Variants in RUNX2 observed in about 807,000 individuals in gnomAD.
RUNX2 encodes the protein RUNX family transcription factor 2.
RUNX2 carries 10 observed loss-of-function variants against 51.7 expected under a neutral mutation model. The observed-to-expected ratio is 0.19, with a 90% CI of 0.12 to 0.33. The LOEUF is 0.33. Among genes scored for constraint, RUNX2 ranks in the 10% least tolerant of loss-of-function variants. RUNX2 has a pLI of 1.00. For synonymous variants in RUNX2, 276 were observed against 273.6 expected, an observed-to-expected ratio of 1.01 and a Z score of -0.09; for missense variants, 562 against 691.3, an observed-to-expected ratio of 0.81 and a Z score of 2.10.
At chr6:45,398,265 G>A (rs369997525) in intron 2 of RUNX2, among the ~76,000 whole-genome samples, 3 of 152,098 alleles carry the variant, frequency 2.0e-5, no homozygotes, top group African/African-American at 2.4e-5. Flanking sequence ...TAGATGAGAC[G>A]ATCCATGCAG....
chr6:45,356,924 T>A (rs914960385), intron 2 of RUNX2, among the ~76,000 whole-genome samples: 1 of 152,312 alleles, frequency 6.6e-6, no homozygotes, highest in Non-Finnish European at 1.5e-5. Flanking sequence ...ACGAGGCAAA[T>A]CAATATATAA....
In RUNX2 at chr6:45,512,485, C is replaced by T. The variant is rs1461632562; in HGVS notation, c.1021+78C>T. Reference sequence around the variant, plus strand: ...GTGGGATGGGCTGAGCCTGTCTCATCCATGCTCACAGTGACTCTCTATTAG... The same window carrying T: ...GTGGGATGGGCTGAGCCTGTCTCATTCATGCTCACAGTGACTCTCTATTAG... On this transcript the variant is annotated intron_variant, in intron 7 of 8. Transcript: ENST00000647337. The T allele has an allele frequency of 1.3e-5, 19 of 1,489,006 alleles. No homozygotes were observed. In the African/African-American group the frequency reaches 2.5e-4, roughly 19 times the overall value. The allele number at this position is 1,489,006 out of a possible 1,614,324, so 92.2% of individuals were successfully genotyped here.
chr6:45,359,325 C>A (rs1793820755), intron 2 of RUNX2, among the ~76,000 whole-genome samples: 1 of 152,092 alleles, frequency 6.6e-6, no homozygotes, highest in Admixed American at 6.6e-5. Flanking sequence ...TGCTTTTATA[C>A]ATAATATCAC....
At chr6:45,431,760 A>T (rs552820664) in intron 3 of RUNX2, 103 bp from the exon 4 acceptor site, 5 of 1,340,362 alleles carry the variant, frequency 3.7e-6, no homozygotes, top group African/African-American at 2.9e-5. Context: ...CTGGACTAGA[A>T]CACTAAGTCC....
intron 7 of RUNX2, among the ~76,000 whole-genome samples, chr6:45,544,479 G>A (rs370836609): frequency 3.9e-5 from 6 of 152,148 alleles, no homozygotes; most frequent in African/African-American, 1.4e-4. Flanking sequence ...GAAACCATAC[G>A]GAATTGTAAT....
At chr6:45,464,117 C>T (rs1184326197) in intron 5 of RUNX2, among the ~76,000 whole-genome samples, 4 of 151,854 alleles carry the variant, frequency 2.6e-5, no homozygotes, top group South Asian at 2.1e-4. Context: ...GGCGTGAACC[C>T]GGGAGGTGGA....
At chr6:45,488,361 T>A (rs1800347131) in intron 5 of RUNX2, among the ~76,000 whole-genome samples, 1 of 152,162 alleles carries the variant, frequency 6.6e-6, no homozygotes, top group Non-Finnish European at 1.5e-5. Context: ...AAATTCTGTT[T>A]TGAATATACT....
chr6:45,418,385 AT>A (rs1798109160), intron 2 of RUNX2, among the ~76,000 whole-genome samples: 1 of 152,154 alleles, frequency 6.6e-6, no homozygotes, highest in Non-Finnish European at 1.5e-5. Context: ...GGGTGGGATT[AT>A]GTTTGTATCT....
Position 45,366,805 on chromosome 6 carries a change from G to T in RUNX2, c.58+38021G>T, listed in dbSNP as rs1039780518. Among the ~76,000 whole-genome samples, 4 of 152,130 alleles carry T rather than the reference G, an allele frequency of 2.6e-5. No individual in the cohort carries two copies. In the East Asian group the frequency reaches 7.7e-4, roughly 29 times the overall value. On this transcript the variant is annotated intron_variant, in intron 2 of 8. Transcript: ENST00000647337. The stretch of plus-strand genomic sequence containing the variant: ...CACCCTACAATTTGTAAGAAGTCAA[G>T]TAAATTCTACTTTCTGTATGTTCTC...
chr6:45,473,820 A>G (rs186861433), intron 5 of RUNX2, among the ~76,000 whole-genome samples: 41 of 152,290 alleles, frequency 2.7e-4, no homozygotes, highest in Admixed American at 2.2e-3. Context: ...TTGAGTCAGG[A>G]GTTCTTGAAA....
At chr6:45,482,774 A>T (rs1369868913) in intron 5 of RUNX2, among the ~76,000 whole-genome samples, 1 of 152,164 alleles carries the variant, frequency 6.6e-6, no homozygotes, top group Admixed American at 6.5e-5. Flanking sequence ...TGAGTAGATT[A>T]TATTTTTCTT....
intron 5 of RUNX2, among the ~76,000 whole-genome samples, chr6:45,491,447 A>T (rs1194893490): frequency 6.6e-6 from 1 of 152,116 alleles, no homozygotes; most frequent in African/African-American, 2.4e-5. Context: ...TTGTAACGTT[A>T]AAGAAAAGTC....
rs192555029 is a variant in RUNX2, at chr6:45,420,352, G to A, written c.59-2241G>A. On this transcript the variant is annotated intron_variant, in intron 2 of 8. Coordinates refer to ENST00000647337, the MANE Select transcript of RUNX2 (RefSeq NM_001024630.4). ...TTCTAGGGCGCAGACCCGGGCGTGGGCTCAGCGAGTGGGAGCAAAGCTCTA... is the reference window on the plus strand; with the variant it reads ...TTCTAGGGCGCAGACCCGGGCGTGGACTCAGCGAGTGGGAGCAAAGCTCTA... 7.8e-3 allele frequency among the ~76,000 whole-genome samples: 1,189 copies of A among 152,326 alleles called. 14 individuals carry two copies. The highest frequency in any genetic ancestry group is 0.044 in the Middle Eastern group (13 of 294).
At chr6:45,432,551 A>G (rs918220642) in intron 4 of RUNX2, among the ~76,000 whole-genome samples, 2 of 152,180 alleles carry the variant, frequency 1.3e-5, no homozygotes, top group Admixed American at 1.3e-4. Flanking sequence ...TAAGTGAATA[A>G]TGTATTACTT....
chr6:45,523,077 T>C (rs1425089286), intron 7 of RUNX2, among the ~76,000 whole-genome samples: 1 of 152,196 alleles, frequency 6.6e-6, no homozygotes, highest in Non-Finnish European at 1.5e-5. Context: ...TAAATAGTCT[T>C]GACAGGTCTA....
chr6:45,454,257 G>A (rs1007127169), intron 5 of RUNX2, among the ~76,000 whole-genome samples: 1 of 152,226 alleles, frequency 6.6e-6, no homozygotes, highest in Non-Finnish European at 1.5e-5. Flanking sequence ...TATAGGTGGA[G>A]AAGCCCTTCT....
In RUNX2 at chr6:45,448,772, C is replaced by A. The variant is rs79144657; in HGVS notation, c.685+10721C>A. 2.9e-3 allele frequency among the ~76,000 whole-genome samples: 447 copies of A among 152,112 alleles called. 2 individuals are homozygous for A. The highest frequency in any genetic ancestry group is 0.01 in the Middle Eastern group (3 of 294). On this transcript the variant is annotated intron_variant, in intron 5 of 8. Transcript: ENST00000647337. ...AAAACGCTAGCATGTATTTTGGTTG[C>A]GGGGGATACTCAGGATGATTAATCT...
intron 5 of RUNX2, among the ~76,000 whole-genome samples, chr6:45,468,272 C>G (rs975132179): frequency 2.6e-5 from 4 of 152,096 alleles, no homozygotes; most frequent in Non-Finnish European, 5.9e-5. Context: ...CACACAATTT[C>G]TGAAAGATCA....
intron 2 of RUNX2, among the ~76,000 whole-genome samples, chr6:45,381,590 G>A (rs1797242088): frequency 6.6e-6 from 1 of 151,960 alleles, no homozygotes; most frequent in East Asian, 1.9e-4. Flanking sequence ...ACTACACTCA[G>A]CTAATTTTTA....
Sources: gnomAD v4.1 joint callset for allele counts (sites outside exome capture counted in the v4.1 genomes callset) on GRCh38, gnomAD v4.1.1 for gene constraint, MANE v1.5 for transcripts, NCBI Gene and HGNC (gene_info 2026-07-23, HGNC 2026-07-21) for gene names.